Variants in EIF3E observed in about 807,000 individuals in gnomAD.
EIF3E encodes eIF-3 p48.
EIF3E carries 25 observed loss-of-function variants against 59.3 expected under a neutral mutation model. The ratio of observed to expected loss-of-function variants is 0.42; its 90% confidence interval spans 0.31 to 0.59. The LOEUF is 0.59. Among genes scored for constraint, EIF3E ranks in the 20% least tolerant of loss-of-function variants. The pLI is 0.15. For missense variants in EIF3E, 317 were observed against 534.3 expected (o/e 0.59, Z 4.01); for synonymous variants, 176 against 170.2 (o/e 1.03, Z -0.26).
At chr8:108,204,735 A>G (rs1400551073) in intron 10 of EIF3E, among the ~76,000 whole-genome samples, 3 of 99,916 alleles carry the variant, frequency 3.0e-5, no homozygotes, top group Non-Finnish European at 6.0e-5. Flanking sequence ...ATGTATGTAT[A>G]TATATATATA....
At chr8:108,244,631 C>T (rs1216944806) in intron 1 of EIF3E, among the ~76,000 whole-genome samples, 4 of 152,122 alleles carry the variant, frequency 2.6e-5, no homozygotes, top group African/African-American at 9.7e-5. Context: ...AAATCTTCAT[C>T]ATCTCAGACT....
chr8:108,208,182 G>C (rs1815137906), intron 10 of EIF3E, among the ~76,000 whole-genome samples: 1 of 152,020 alleles, frequency 6.6e-6, no homozygotes, highest in Non-Finnish European at 1.5e-5. Context: ...AAGGCCTGGG[G>C]ATCTGATATT....
intron 1 of EIF3E, among the ~76,000 whole-genome samples, chr8:108,243,006 G>A (rs149228837): frequency 3.3e-5 from 5 of 152,090 alleles, no homozygotes; most frequent in African/African-American, 1.2e-4. Flanking sequence ...AAAACAAATG[G>A]GTGCATATAG....
intron 10 of EIF3E, among the ~76,000 whole-genome samples, chr8:108,212,490 T>C (rs754875879): frequency 6.6e-6 from 1 of 152,152 alleles, no homozygotes; most frequent in African/African-American, 2.4e-5. Flanking sequence ...TCTTTCAGAT[T>C]GAAAATTCTA....
At chr8:108,222,589 T>C (rs1471101593) in intron 7 of EIF3E, among the ~76,000 whole-genome samples, 6 of 152,196 alleles carry the variant, frequency 3.9e-5, no homozygotes, top group Non-Finnish European at 8.8e-5. Context: ...ATGACCAATG[T>C]GCTCTTTTGT....
At chr8:108,206,063 T>G (rs531313574) in intron 10 of EIF3E, among the ~76,000 whole-genome samples, 1 of 152,098 alleles carries the variant, frequency 6.6e-6, no homozygotes, top group Non-Finnish European at 1.5e-5. Context: ...CTTTTAACTT[T>G]CCAAGTTCCC....
intron 4 of EIF3E, among the ~76,000 whole-genome samples, chr8:108,235,588 C>T (rs116343999): frequency 5.5e-4 from 84 of 152,232 alleles, no homozygotes; most frequent in African/African-American, 2.0e-3. Flanking sequence ...GTTGGGGACT[C>T]CTTAAATAAT....
At chr8:108,225,633 A>G (rs991663375) in intron 7 of EIF3E, among the ~76,000 whole-genome samples, 4 of 151,640 alleles carry the variant, frequency 2.6e-5, no homozygotes, top group Admixed American at 6.6e-5. Flanking sequence ...TTTTATCTGT[A>G]CTTCTTACTG....
chr8:108,248,591 T>C (rs765853002), intron 1 of EIF3E, 22 bp downstream of exon 1: 2 of 1,613,062 alleles, frequency 1.2e-6, no homozygotes, highest in Admixed American at 3.3e-5. Flanking sequence ...CACGCCTTCC[T>C]TGCGCCCAAA....
In EIF3E at chr8:108,209,290, ATAGT is replaced by A. The variant is rs754820694; in HGVS notation, c.1061+5313_1061+5316del. On this transcript the variant is annotated intron_variant, in intron 10 of 12. Transcript: ENST00000220849. ...AAACTAGTGAATGGAATAATATGCC[ATAGT>A]TAGTATTCAGTGGAAAAAAGTCTAT... 7.2e-5 allele frequency among the ~76,000 whole-genome samples: 11 copies of A among 152,242 alleles called. No homozygotes were observed. The East Asian group carries it at 1.7e-3, about 24-fold the overall frequency.
chr8:108,203,258 G>A lies in EIF3E; in HGVS notation c.1165-141C>T, dbSNP rs1359476869. On this transcript the variant is annotated intron_variant, in intron 11 of 12. Transcript: ENST00000220849. Reference sequence around the variant, plus strand: ...TATTTACCAAGGAAGAAAAAAAATAGGAGGCTTCTGTTGCCTTCAAAGAAC... The same window carrying A: ...TATTTACCAAGGAAGAAAAAAAATAAGAGGCTTCTGTTGCCTTCAAAGAAC... The A allele has an allele frequency of 3.1e-6, 4 of 1,281,530 alleles. No homozygotes were observed. The East Asian group carries it at 7.2e-5, about 23-fold the overall frequency. 79.4% of individuals were successfully genotyped at this position (1,281,530 alleles called of 1,614,324 possible).
chr8:108,213,057 C>A (rs1815241682), intron 10 of EIF3E, among the ~76,000 whole-genome samples: 2 of 152,132 alleles, frequency 1.3e-5, no homozygotes. Flanking sequence ...CTGAAAAATT[C>A]TTAGGTAGTG....
chr8:108,227,381 A>G (rs942656336), intron 7 of EIF3E: 2 of 152,214 alleles, frequency 1.3e-5, no homozygotes, highest in African/African-American at 4.8e-5. Context: ...AATATAACTC[A>G]TACCATGAAG....
chr8:108,236,236 T>A (rs1262206132), intron 3 of EIF3E, 33 bp from the exon 4 acceptor site: 1 of 1,573,630 alleles, frequency 6.4e-7, no homozygotes, highest in Admixed American at 1.7e-5. Context: ...TACATTATTT[T>A]AAAGGCCACA....
intron 1 of EIF3E, chr8:108,242,127 TGAA>T (rs1248895359): frequency 2.1e-6 from 3 of 1,431,434 alleles, no homozygotes; most frequent in East Asian, 6.2e-5. Context: ...AATTTTAAAA[TGAA>T]GAGAATTACT....
At chr8:108,245,848 T>A (rs1815937966) in intron 1 of EIF3E, among the ~76,000 whole-genome samples, 1 of 152,238 alleles carries the variant, frequency 6.6e-6, no homozygotes, top group South Asian at 2.1e-4. Flanking sequence ...ATGAAGCTTA[T>A]ATTCTCCAAT....
intron 5 of EIF3E, among the ~76,000 whole-genome samples, chr8:108,232,949 TATAA>T (rs1815651481): frequency 6.6e-6 from 1 of 152,202 alleles, no homozygotes; most frequent in African/African-American, 2.4e-5. Context: ...TAACAAATGA[TATAA>T]ATAACCAACT....
In EIF3E at chr8:108,248,370, C is replaced by T. The variant is rs141708695; in HGVS notation, c.90+243G>A. Among the ~76,000 whole-genome samples the T allele has an allele frequency of 2.2e-3, 329 of 152,298 alleles. No homozygotes were observed. The highest frequency in any genetic ancestry group is 3.7e-3 in the Non-Finnish European group (250 of 68,022). On this transcript the variant is annotated intron_variant, in intron 1 of 12. Coordinates refer to ENST00000220849, the MANE Select transcript of EIF3E (RefSeq NM_001568.3). Reference sequence around the variant, plus strand: ...TGCGAAAATCCCTCCCGCACTGACACCTCAGTAAGTGAAAGAGACTTCTTT... The same window carrying T: ...TGCGAAAATCCCTCCCGCACTGACATCTCAGTAAGTGAAAGAGACTTCTTT...
chr8:108,220,484 T>G (rs563908442), intron 7 of EIF3E, among the ~76,000 whole-genome samples: 1 of 152,236 alleles, frequency 6.6e-6, no homozygotes, highest in Non-Finnish European at 1.5e-5. Context: ...GAACACAAAA[T>G]GTGTAAAGCA....
Sources: gnomAD v4.1 joint callset for allele counts (sites outside exome capture counted in the v4.1 genomes callset) on GRCh38, gnomAD v4.1.1 for gene constraint, MANE v1.5 for transcripts, NCBI Gene and HGNC (gene_info 2026-07-23, HGNC 2026-07-21) for gene names.